Variants in RASGEF1C observed in about 807,000 individuals in gnomAD.
The protein encoded by RASGEF1C is RasGEF domain family member 1C.
Under a neutral mutation model 58.1 loss-of-function variants are expected in RASGEF1C, and 27 were observed. The observed-to-expected ratio is 0.46, with a 90% CI of 0.34 to 0.64. The LOEUF is 0.64. Ranked by LOEUF, RASGEF1C falls within the 30% of genes least tolerant of loss-of-function variation. The pLI is 0.01. For synonymous variants in RASGEF1C, 243 were observed against 246.3 expected, an observed-to-expected ratio of 0.99 and a Z score of 0.13; for missense variants, 502 against 605.1, an observed-to-expected ratio of 0.83 and a Z score of 1.79.
At chr5:180,141,060 T>C (rs1385599610) in intron 1 of RASGEF1C, among the ~76,000 whole-genome samples, 1 of 152,198 alleles carries the variant, frequency 6.6e-6, no homozygotes, top group Non-Finnish European at 1.5e-5. Flanking sequence ...TTTTATTAGT[T>C]TCTAGTCTTT....
rs1157186936 is a variant in RASGEF1C, at chr5:180,158,007, C to G, written c.-6-19949G>C. On this transcript the variant is annotated intron_variant, in intron 1 of 13. Coordinates refer to ENST00000361132, the MANE Select transcript of RASGEF1C (RefSeq NM_175062.4). This position sits in a 1 kb window ranked among gnomAD's most constrained non-coding sequence, Gnocchi z 4.0. ...AGGTGTATCAGCTGTAACAAACATA[C>G]CATTCTGGTGGGTGACGTCGATAAT... Among the ~76,000 whole-genome samples, 1 of 152,292 alleles carries G rather than the reference C, an allele frequency of 6.6e-6. No homozygotes were observed.
At position 180,119,374 on chromosome 5, in the gene RASGEF1C, G is replaced by A; in HGVS notation, c.879C>T (p.Gly293=). 6.2e-7 allele frequency: 1 copy of A among 1,614,100 alleles called. No individual in the cohort carries two copies. Among genetic ancestry groups the A allele is most frequent in the Non-Finnish European group, 8.5e-7 (1 of 1,179,942 alleles). ...IDVARECFNI[G]NFNSLMAIIS... ...TGATGGCCATGAGGGAGTTGAAGTT[G>A]CCGATGTTGAAGCACTCGCGGGCCA... The change falls in exon 8 of 14, where the codon GGC becomes GGT. Residue 293 remains glycine (G), a synonymous_variant. Coordinates refer to ENST00000361132, the MANE Select transcript of RASGEF1C (RefSeq NM_175062.4).
At chr5:180,167,890 A>C (rs759108612) in intron 1 of RASGEF1C, among the ~76,000 whole-genome samples, 5 of 152,252 alleles carry the variant, frequency 3.3e-5, no homozygotes, top group Admixed American at 2.0e-4. Context: ...TTGACCCAGA[A>C]TGGCTTGGGC....
intron 1 of RASGEF1C, among the ~76,000 whole-genome samples, chr5:180,174,119 C>T (rs116490255): frequency 8.6e-5 from 13 of 151,622 alleles, no homozygotes; most frequent in Non-Finnish European, 1.8e-4. Flanking sequence ...GAGCCTGGGC[C>T]GTGGTGTGGG....
chr5:180,160,128 T>A (rs879450999), intron 1 of RASGEF1C, among the ~76,000 whole-genome samples: 2 of 152,356 alleles, frequency 1.3e-5, no homozygotes, highest in Admixed American at 1.3e-4. Context: ...TCTCTCTGGA[T>A]GCCACTTCTT....
rs544775149 is a variant in RASGEF1C, at chr5:180,160,034, C to T, written c.-6-21976G>A. 3.9e-5 allele frequency among the ~76,000 whole-genome samples: 6 copies of T among 152,286 alleles called. No homozygotes were observed. The East Asian group carries it at 1.2e-3, about 29-fold the overall frequency. ...TAGAATCTTGATACCAAAAATTTGCCCCAGGGGATACTCCTGCCTCCAGGG... is the reference window on the plus strand; with the variant it reads ...TAGAATCTTGATACCAAAAATTTGCTCCAGGGGATACTCCTGCCTCCAGGG... On this transcript the variant is annotated intron_variant, in intron 1 of 13. Transcript: ENST00000361132.
chr5:180,120,146 C>G (rs1766144452), intron 7 of RASGEF1C, among the ~76,000 whole-genome samples: 1 of 152,190 alleles, frequency 6.6e-6, no homozygotes, highest in African/African-American at 2.4e-5. Context: ...CAAAGATGCA[C>G]CAAGGGGTCT....
chr5:180,137,150 T>C lies in RASGEF1C; in HGVS notation c.300+440A>G, dbSNP rs368533740. Among the ~76,000 whole-genome samples the C allele has an allele frequency of 6.6e-6, 1 of 152,154 alleles. No individual in the cohort carries two copies. The highest frequency in any genetic ancestry group is 1.5e-5 in the Non-Finnish European group (1 of 68,032). On this transcript the variant is annotated intron_variant, in intron 3 of 13. Transcript: ENST00000361132. This position sits in a 1 kb window ranked among gnomAD's most constrained non-coding sequence, Gnocchi z 4.1. Reference sequence around the variant, plus strand: ...AGATAGGGCAGGTACACGGGCCAGCTAAGTCCTTTTGGTTCAGGCGGGTTG... The same window carrying C: ...AGATAGGGCAGGTACACGGGCCAGCCAAGTCCTTTTGGTTCAGGCGGGTTG...
intron 1 of RASGEF1C, among the ~76,000 whole-genome samples, chr5:180,170,543 C>T (rs1039786432): frequency 2.6e-5 from 4 of 152,120 alleles, no homozygotes; most frequent in Non-Finnish European, 4.4e-5. Context: ...GCTGCCTGGT[C>T]CTCGCCTGTC....
intron 1 of RASGEF1C, among the ~76,000 whole-genome samples, chr5:180,159,640 G>A (rs369724579): frequency 4.9e-4 from 75 of 152,306 alleles, no homozygotes; most frequent in African/African-American, 1.7e-3. Flanking sequence ...GGACAAGCTC[G>A]CAGTGGGGAG....
intron 1 of RASGEF1C, among the ~76,000 whole-genome samples, chr5:180,149,078 C>CTTTTTTTTTTTTTT (rs1281032542): frequency 1.0e-5 from 1 of 97,154 alleles, no homozygotes; most frequent in Non-Finnish European, 2.0e-5. Flanking sequence ...TTTTTCTTTT[C>CTTTTTTTTTTTTTT]TTTTTTTTTC....
At position 180,156,986 on chromosome 5, in the gene RASGEF1C, G is replaced by A. The variant is rs6886704; in HGVS notation, c.-6-18928C>T. ...AAGATACCACTACACACCTACTAGA[G>A]TGGTCAAAATCCAGATCACTGTCAC... On this transcript the variant is annotated intron_variant, in intron 1 of 13. Transcript: ENST00000361132. The surrounding 1 kb of genome is among the most constrained non-coding windows in gnomAD (Gnocchi z 4.9). Among the ~76,000 whole-genome samples the A allele has an allele frequency of 0.39, 59,478 of 151,990 alleles. 12,715 individuals are homozygous for A. Among genetic ancestry groups the A allele is most frequent in the African/African-American group, 0.53 (21,937 of 41,462 alleles).
chr5:180,101,571 C>A, intron 13 of RASGEF1C, 46 bp from the exon 14 acceptor site: 1 of 1,605,268 alleles, frequency 6.2e-7, no homozygotes, highest in East Asian at 2.2e-5. Flanking sequence ...TGGAGCTCCC[C>A]ACCCCAGTTA....
chr5:180,171,125 C>A (rs1767101169), intron 1 of RASGEF1C, among the ~76,000 whole-genome samples: 1 of 152,098 alleles, frequency 6.6e-6, no homozygotes, highest in African/African-American at 2.4e-5. Flanking sequence ...TTCCCCCAGC[C>A]CAGGAGTGGG....
At chr5:180,184,466 A>G (rs967754530) in intron 1 of RASGEF1C, among the ~76,000 whole-genome samples, 3 of 151,998 alleles carry the variant, frequency 2.0e-5, no homozygotes, top group African/African-American at 7.3e-5. Flanking sequence ...AATCCCAGCT[A>G]CTCGGGAGGC....
intron 11 of RASGEF1C, among the ~76,000 whole-genome samples, chr5:180,112,929 GATGGA>G (rs1765984163): frequency 2.3e-5 from 3 of 129,524 alleles, no homozygotes; most frequent in East Asian, 2.7e-4. Context: ...AGGGATCCGG[GATGGA>G]CGGAGGGACC....
chr5:180,152,472 C>T (rs1186364670), intron 1 of RASGEF1C, among the ~76,000 whole-genome samples: 1 of 147,416 alleles, frequency 6.8e-6, no homozygotes, highest in East Asian at 2.0e-4. Flanking sequence ...GACAAAAAGC[C>T]AAACACTGCA....
chr5:180,202,762 G>A (rs951864087), intron 1 of RASGEF1C, among the ~76,000 whole-genome samples: 1 of 151,460 alleles, frequency 6.6e-6, no homozygotes, highest in Non-Finnish European at 1.5e-5. Flanking sequence ...GAGTGCAGTG[G>A]CACAATCTCG....
At position 180,129,339 on chromosome 5, in the gene RASGEF1C, C is replaced by T. The variant is rs576281030; in HGVS notation, c.439-729G>A. On this transcript the variant is annotated intron_variant, in intron 4 of 13. Coordinates refer to ENST00000361132, the MANE Select transcript of RASGEF1C (RefSeq NM_175062.4). Reference sequence around the variant, plus strand: ...GGGCGCCTTCTGCACCTGGCCCGTGCTCTGAGAGTTAGGCTTAGGGTTAAG... The same window carrying T: ...GGGCGCCTTCTGCACCTGGCCCGTGTTCTGAGAGTTAGGCTTAGGGTTAAG... Among the ~76,000 whole-genome samples the T allele has an allele frequency of 1.4e-4, 21 of 152,326 alleles. No individual in the cohort carries two copies. The East Asian group carries it at 3.9e-3, about 28-fold the overall frequency.
Sources: allele counts gnomAD v4.1 joint callset (sites outside exome capture counted in the v4.1 genomes callset), GRCh38; gene constraint gnomAD v4.1.1; non-coding constraint Gnocchi (gnomAD v3.1); transcripts MANE v1.5; gene names NCBI Gene and HGNC (gene_info 2026-07-23, HGNC 2026-07-21).